Variants in DPH6 observed in about 807,000 individuals in gnomAD.
DPH6 encodes the protein diphthamine biosynthesis 6, also known as diphthine--ammonia ligase.
DPH6 carries 33 observed loss-of-function variants against 38.2 expected under a neutral mutation model. The observed-to-expected ratio is 0.86, with a 90% CI of 0.65 to 1.15. The LOEUF (loss-of-function observed/expected upper bound fraction) is 1.15. DPH6 is among the 50% of genes most tolerant of loss of function. The pLI is 0.00. For synonymous variants in DPH6, 108 were observed against 103.0 expected (o/e 1.05, Z -0.30); for missense variants, 325 against 320.0 (o/e 1.02, Z -0.12).
chr15:35,478,366 TACACACACACACACAC>T (rs66521447), intron 3 of DPH6, among the ~76,000 whole-genome samples: 6 of 142,062 alleles, frequency 4.2e-5, no homozygotes, highest in Non-Finnish European at 7.6e-5. Flanking sequence ...TACCCACACA[TACACACACACACACAC>T]ACACACACAC....
the DPH6 span, among the ~76,000 whole-genome samples, chr15:35,147,889 C>T: frequency 4.6e-5 from 7 of 152,160 alleles, no homozygotes; most frequent in Non-Finnish European, 4.4e-5. Context: ...GGACATGCAA[C>T]GCCTTGGGCT....
At chr15:35,447,809 A>T (rs2053875547) in intron 5 of DPH6, among the ~76,000 whole-genome samples, 1 of 152,174 alleles carries the variant, frequency 6.6e-6, no homozygotes, top group Admixed American at 6.5e-5. Context: ...TAACAAAAAA[A>T]AAATCTACGA....
chr15:35,448,576 G>GT (rs2053887022), intron 5 of DPH6, among the ~76,000 whole-genome samples: 2 of 152,150 alleles, frequency 1.3e-5, no homozygotes, highest in Non-Finnish European at 2.9e-5. Context: ...TAGAAAATGT[G>GT]TAAGATGACC....
intron 3 of DPH6, among the ~76,000 whole-genome samples, chr15:35,458,607 G>T (rs1015587192): frequency 6.6e-6 from 1 of 152,292 alleles, no homozygotes; most frequent in South Asian, 2.1e-4. Flanking sequence ...AGCAATGGAA[G>T]TGTCAGCAGA....
chr15:35,517,376 T>A (rs1196460047), intron 3 of DPH6, among the ~76,000 whole-genome samples: 1 of 152,136 alleles, frequency 6.6e-6, no homozygotes, highest in Non-Finnish European at 1.5e-5. Flanking sequence ...TTATCACTAT[T>A]TTAATTAAGT....
At chr15:35,179,204 CAAAA>C in the DPH6 span, among the ~76,000 whole-genome samples, 7 of 50,592 alleles carry the variant, frequency 1.4e-4, no homozygotes, top group Non-Finnish European at 2.0e-4. Context: ...ACAACTCTGT[CAAAA>C]AAAAAAAAAA....
chr15:35,476,264 A>G lies in DPH6; in HGVS notation c.313-21444T>C, dbSNP rs995121476. 1.1e-4 allele frequency among the ~76,000 whole-genome samples: 17 copies of G among 151,946 alleles called. No individual in the cohort carries two copies. In the South Asian group the frequency reaches 1.5e-3, roughly 13 times the overall value. On this transcript the variant is annotated intron_variant, in intron 3 of 8. Coordinates refer to ENST00000256538, the MANE Select transcript of DPH6 (RefSeq NM_080650.4). ...TGGATCTCAGTTCCCTCATTAGTAAATAAGAGACTGAGACTTCTTTGCATG... is the reference window on the plus strand; with the variant it reads ...TGGATCTCAGTTCCCTCATTAGTAAGTAAGAGACTGAGACTTCTTTGCATG...
chr15:35,234,890 G>A (rs1274429828), intron 3 of DPH6, among the ~76,000 whole-genome samples: 1 of 152,230 alleles, frequency 6.6e-6, no homozygotes. Flanking sequence ...TGTCCTATCA[G>A]GATGGAGTAA....
chr15:35,418,381 C>G (rs2053462279), intron 5 of DPH6, among the ~76,000 whole-genome samples: 1 of 152,048 alleles, frequency 6.6e-6, no homozygotes. Context: ...GAGTTACTAA[C>G]AATATTTTTG....
At chr15:35,216,128 T>A (rs1205154842), downstream of DPH6, among the ~76,000 whole-genome samples, 7 of 152,224 alleles carry the variant, frequency 4.6e-5, no homozygotes, top group Non-Finnish European at 1.0e-4. Context: ...TAGATAGAGC[T>A]TGAATTTTAG....
intron 3 of DPH6, among the ~76,000 whole-genome samples, chr15:35,514,859 G>T (rs932517971): frequency 1.6e-4 from 24 of 152,158 alleles, no homozygotes; most frequent in African/African-American, 5.8e-4. Context: ...CAAAAAGACA[G>T]CATTTTTTGG....
chr15:35,353,689 A>G (rs909473369), intron 3 of DPH6, among the ~76,000 whole-genome samples: 1 of 152,140 alleles, frequency 6.6e-6, no homozygotes, highest in African/African-American at 2.4e-5. Context: ...GTAGCCTTGT[A>G]GTATAGTTTG....
chr15:35,399,368 C>G (rs921054404), intron 6 of DPH6, among the ~76,000 whole-genome samples: 24 of 151,796 alleles, frequency 1.6e-4, no homozygotes, highest in Non-Finnish European at 3.4e-4. Context: ...TGAATTAGAT[C>G]AAAATGAGGA....
intron 3 of DPH6, among the ~76,000 whole-genome samples, chr15:35,292,034 T>C (rs1361233132): frequency 6.6e-6 from 1 of 152,088 alleles, no homozygotes; most frequent in Non-Finnish European, 1.5e-5. Flanking sequence ...ATATAAATGC[T>C]TTTTCCTCCT....
At chr15:35,345,485 ATTGC>A (rs1259295299) in intron 3 of DPH6, among the ~76,000 whole-genome samples, 4 of 151,858 alleles carry the variant, frequency 2.6e-5, no homozygotes, top group African/African-American at 9.7e-5. Context: ...GTTGTTATCT[ATTGC>A]ACATGATTAT....
downstream of DPH6, among the ~76,000 whole-genome samples, chr15:35,330,637 T>C (rs897406922): frequency 7.9e-5 from 12 of 152,150 alleles, no homozygotes; most frequent in Admixed American, 1.3e-4. Context: ...TACATACACA[T>C]ATGCACCTGA....
chr15:35,267,894 G>T (rs1405856970), intron 3 of DPH6, among the ~76,000 whole-genome samples: 1 of 152,186 alleles, frequency 6.6e-6, no homozygotes, highest in Non-Finnish European at 1.5e-5. Flanking sequence ...AACTAGGCCA[G>T]GCGCGGTGGC....
rs1474070535 is a variant in DPH6 at position 35,403,067 on chromosome 15, T to C, written c.567+7768A>G. 4.2e-4 allele frequency among the ~76,000 whole-genome samples: 64 copies of C among 152,072 alleles called. 1 individual carries two copies. Among genetic ancestry groups the C allele is most frequent in the Admixed American group, 4.1e-3 (63 of 15,250 alleles). ...ATGTTAGAAGAAAAAGGAGGCAAAATTGTATGTATAGTTGAATCCCATTAT... is the reference window on the plus strand; with the variant it reads ...ATGTTAGAAGAAAAAGGAGGCAAAACTGTATGTATAGTTGAATCCCATTAT... On this transcript the variant is annotated intron_variant, in intron 6 of 8. Coordinates refer to ENST00000256538, the MANE Select transcript of DPH6 (RefSeq NM_080650.4).
intron 3 of DPH6, among the ~76,000 whole-genome samples, chr15:35,351,431 T>G (rs1046268332): frequency 4.6e-5 from 7 of 152,318 alleles, no homozygotes; most frequent in Admixed American, 2.0e-4. Context: ...GGTTAGGACT[T>G]ACTCTTGCCA....
Sources: gnomAD v4.1 joint callset for allele counts (sites outside exome capture counted in the v4.1 genomes callset) on GRCh38, gnomAD v4.1.1 for gene constraint, MANE v1.5 for transcripts, NCBI Gene and HGNC (gene_info 2026-07-23, HGNC 2026-07-21) for gene names.